Variants in TTC28 observed in about 807,000 individuals in gnomAD.
The protein encoded by TTC28 is tetratricopeptide repeat domain 28.
TTC28 carries 61 observed loss-of-function variants against 198.0 expected under a neutral mutation model. The observed-to-expected ratio is 0.31, with a 90% CI of 0.25 to 0.38. The LOEUF (loss-of-function observed/expected upper bound fraction) is 0.38. TTC28 is among the 10% of genes least tolerant of loss of function. The pLI, the probability that TTC28 is intolerant of heterozygous loss-of-function variation, is 1.00. For synonymous variants in TTC28, 1,171 were observed against 1,297.8 expected, an observed-to-expected ratio of 0.90 and a Z score of 2.10; for missense variants, 2,678 against 3,164.0, an observed-to-expected ratio of 0.85 and a Z score of 3.69.
intron 5 of TTC28, among the ~76,000 whole-genome samples, chr22:28,214,939 A>G (rs1927259063): frequency 6.6e-6 from 1 of 152,240 alleles, no homozygotes; most frequent in African/African-American, 2.4e-5. Flanking sequence ...ATACCATGGA[A>G]TACTATGCAG....
chr22:28,312,012 G>C (rs1450574377), intron 2 of TTC28, among the ~76,000 whole-genome samples: 3 of 142,662 alleles, frequency 2.1e-5, no homozygotes, highest in Non-Finnish European at 3.0e-5. Context: ...GATGGAGGAA[G>C]ATCTACCAAG....
intron 6 of TTC28, among the ~76,000 whole-genome samples, chr22:28,146,281 C>T (rs1028292052): frequency 2.6e-5 from 4 of 152,188 alleles, no homozygotes; most frequent in African/African-American, 7.2e-5. Flanking sequence ...AGGATGTTTA[C>T]GCAGAATACC....
intron 2 of TTC28, among the ~76,000 whole-genome samples, chr22:28,573,048 G>T (rs2050087517): frequency 1.3e-5 from 2 of 151,128 alleles, no homozygotes; most frequent in South Asian, 2.1e-4. Flanking sequence ...CTTGAGCCTG[G>T]GAGGTCAAGG....
chr22:28,447,990 T>G (rs1347969862), intron 2 of TTC28, among the ~76,000 whole-genome samples: 1 of 152,174 alleles, frequency 6.6e-6, no homozygotes, highest in Non-Finnish European at 1.5e-5. Flanking sequence ...TTACTCCAAA[T>G]TGAACCTGTA....
intron 2 of TTC28, among the ~76,000 whole-genome samples, chr22:28,609,687 G>GTT (rs374988434): frequency 6.8e-6 from 1 of 147,354 alleles, no homozygotes; most frequent in Non-Finnish European, 1.5e-5. Flanking sequence ...GAGTTTGTTT[G>GTT]TTTTTTTTTT....
chr22:28,560,731 TG>T (rs1223128382), intron 2 of TTC28, among the ~76,000 whole-genome samples: 21 of 152,192 alleles, frequency 1.4e-4, no homozygotes, highest in Admixed American at 7.2e-4. Context: ...TACCTAAAAT[TG>T]CTACCTCTCC....
intron 12 of TTC28, among the ~76,000 whole-genome samples, chr22:28,059,734 T>A (rs1012929124): frequency 6.6e-6 from 1 of 152,074 alleles, no homozygotes; most frequent in Non-Finnish European, 1.5e-5. Flanking sequence ...GGTCACTAGG[T>A]AAATATACAT....
chr22:28,395,972 G>T (rs974958390), intron 2 of TTC28, among the ~76,000 whole-genome samples: 1 of 152,182 alleles, frequency 6.6e-6, no homozygotes, highest in Non-Finnish European at 1.5e-5. Context: ...AATAAACTCA[G>T]AGAGGTTAAG....
intron 2 of TTC28, among the ~76,000 whole-genome samples, chr22:28,360,375 T>C (rs766300482): frequency 1.8e-4 from 28 of 152,208 alleles, no homozygotes; most frequent in Non-Finnish European, 3.2e-4. Context: ...GGAGACCTAC[T>C]TCCTTGATAC....
At chr22:28,545,101 G>A (rs2049509275) in intron 2 of TTC28, among the ~76,000 whole-genome samples, 1 of 152,130 alleles carries the variant, frequency 6.6e-6, no homozygotes, top group Non-Finnish European at 1.5e-5. Context: ...CTCTCTTGGG[G>A]TCTGGATGGG....
At chr22:28,479,260 T>C (rs1219784174) in intron 2 of TTC28, among the ~76,000 whole-genome samples, 1 of 152,148 alleles carries the variant, frequency 6.6e-6, no homozygotes, top group African/African-American at 2.4e-5. Flanking sequence ...TGAAAATACA[T>C]ACACAGCAGG....
At chr22:28,096,686 C>T (rs1427590049) in intron 10 of TTC28, among the ~76,000 whole-genome samples, 1 of 152,154 alleles carries the variant, frequency 6.6e-6, no homozygotes, top group Admixed American at 6.5e-5. Flanking sequence ...GTGCACTTGT[C>T]CTTAGCCCTG....
chr22:28,362,532 G>A (rs973030920), intron 2 of TTC28, among the ~76,000 whole-genome samples: 3 of 152,218 alleles, frequency 2.0e-5, no homozygotes, highest in African/African-American at 7.2e-5. Flanking sequence ...AAATGTGGAA[G>A]TGACTTTAGA....
intron 5 of TTC28, among the ~76,000 whole-genome samples, chr22:28,289,509 C>T (rs946017703): frequency 6.6e-6 from 1 of 152,094 alleles, no homozygotes; most frequent in Non-Finnish European, 1.5e-5. Flanking sequence ...GATACCACCT[C>T]CCCTATTAAG....
At chr22:28,116,144 C>G (rs932005690) in intron 6 of TTC28, among the ~76,000 whole-genome samples, 2 of 152,126 alleles carry the variant, frequency 1.3e-5, no homozygotes, top group African/African-American at 4.8e-5. Context: ...CCTCTTCAGT[C>G]CCCTCCCACC....
chr22:28,469,240 G>A (rs1301891410), intron 2 of TTC28, among the ~76,000 whole-genome samples: 1 of 152,108 alleles, frequency 6.6e-6, no homozygotes, highest in Non-Finnish European at 1.5e-5. Flanking sequence ...GTGAACCCAG[G>A]ACCCAAGGCC....
At chr22:28,204,146 C>G (rs192275552) in intron 5 of TTC28, among the ~76,000 whole-genome samples, 1 of 152,236 alleles carries the variant, frequency 6.6e-6, no homozygotes, top group East Asian at 1.9e-4. Flanking sequence ...GTTGCATAGA[C>G]TTCAGCAAAT....
intron 2 of TTC28, among the ~76,000 whole-genome samples, chr22:28,440,451 C>T (rs1260549270): frequency 6.6e-6 from 1 of 152,116 alleles, no homozygotes; most frequent in Non-Finnish European, 1.5e-5. Context: ...CAATCATATA[C>T]CCCAGCTGCA....
At position 28,161,926 on chromosome 22, in the gene TTC28, G is replaced by A. The variant is rs558872673; in HGVS notation, c.1441+1166C>T. On this transcript the variant is annotated intron_variant, in intron 6 of 22. Coordinates refer to ENST00000397906, the MANE Select transcript of TTC28 (RefSeq NM_001145418.2). The stretch of plus-strand genomic sequence containing the variant: ...AGGAGGGAGGGAGGGAGGGAAGGAG[G>A]GAGGGAAGGTGGCTAAGTTTTACAT... Among the ~76,000 whole-genome samples the A allele has an allele frequency of 9.8e-4, 148 of 151,298 alleles. 1 individual carries two copies. The highest frequency in any genetic ancestry group is 3.4e-3 in the African/African-American group (140 of 41,254).
Sources: gnomAD v4.1 joint callset for allele counts (sites outside exome capture counted in the v4.1 genomes callset) on GRCh38, gnomAD v4.1.1 for gene constraint, MANE v1.5 for transcripts, NCBI Gene and HGNC (gene_info 2026-07-23, HGNC 2026-07-21) for gene names.